The following MRPL3 variants were observed in gnomAD, a reference collection of about 807,000 sequenced individuals.
The protein encoded by MRPL3 is large ribosomal subunit protein uL3m.
A neutral mutation model predicts 44.3 loss-of-function variants in MRPL3; 43 were observed. That is an observed-to-expected ratio of 0.97 (90% CI 0.76 to 1.25). The LOEUF is 1.25. Ranked by LOEUF, MRPL3 falls within the 50% of genes most tolerant of loss-of-function variation. The pLI is 0.00. For synonymous variants in MRPL3, 171 were observed against 152.3 expected (o/e 1.12, Z -0.91); for missense variants, 406 against 427.6 (o/e 0.95, Z 0.45).
chr3:131,501,877 C>T (rs756331596), intron 1 of MRPL3, 162 bp from the exon 2 acceptor site: 12 of 1,541,904 alleles, frequency 7.8e-6, no homozygotes, highest in South Asian at 2.3e-5. Flanking sequence ...TTCCTCACTC[C>T]CCACATTCCT....
chr3:131,483,217 GAGCA>G (rs1934035567), intron 6 of MRPL3, among the ~76,000 whole-genome samples: 1 of 151,986 alleles, frequency 6.6e-6, no homozygotes, highest in African/African-American at 2.4e-5. Flanking sequence ...TGCTACTATA[GAGCA>G]AGAACATAAA....
rs931526885 is a variant in MRPL3, at chr3:131,502,738, C to A, written c.84G>T (p.Pro28=). ...LGDGLGAALG[P]GNRTHIWLFV... ...CCCTCACACCTTCCTACCTGTTCCC[C>A]GGGCCCAGGGCAGCACCCAGGCCGT... Residue 28 remains proline, a synonymous_variant, in exon 1 of 10, where the codon CCG becomes CCT. Coordinates refer to ENST00000264995, the MANE Select transcript of MRPL3 (RefSeq NM_007208.4). 1.2e-6 allele frequency: 2 copies of A among 1,609,052 alleles called. No homozygotes were observed. The highest frequency in any genetic ancestry group is 1.7e-6 in the Non-Finnish European group (2 of 1,177,054).
chr3:131,469,515 A>G (rs1350902945), intron 8 of MRPL3, among the ~76,000 whole-genome samples, 181 bp downstream of exon 8: 2 of 135,098 alleles, frequency 1.5e-5, no homozygotes, highest in Admixed American at 7.7e-5. Context: ...TACTACCACC[A>G]TTACTACAAC....
At chr3:131,473,359 A>G (rs186533916) in intron 6 of MRPL3, among the ~76,000 whole-genome samples, 2 of 152,212 alleles carry the variant, frequency 1.3e-5, no homozygotes, top group East Asian at 3.9e-4. Flanking sequence ...ACCCACATGT[A>G]ATGAGGTTAG....
chr3:131,474,765 ATTTTTTTTTTTT>A (rs372689423), intron 6 of MRPL3, among the ~76,000 whole-genome samples: 3 of 137,868 alleles, frequency 2.2e-5, no homozygotes, highest in Non-Finnish European at 4.7e-5. Context: ...AGACTTTTTA[ATTTTTTTTTTTT>A]TTTTTTTTTA....
intron 4 of MRPL3, among the ~76,000 whole-genome samples, chr3:131,496,706 C>T (rs7612597): frequency 6.6e-6 from 1 of 152,142 alleles, no homozygotes; most frequent in Non-Finnish European, 1.5e-5. Flanking sequence ...AGGCTCTTAT[C>T]AACTCTCCCC....
intron 8 of MRPL3, among the ~76,000 whole-genome samples, chr3:131,469,206 TCTC>T (rs1441409507): frequency 4.0e-5 from 6 of 151,360 alleles, no homozygotes; most frequent in East Asian, 1.9e-4. Context: ...TGCCTCCCAC[TCTC>T]CTCCTTACAC....
chr3:131,463,729 A>G lies in MRPL3; in HGVS notation c.895-854T>C, dbSNP rs532813861. Among the ~76,000 whole-genome samples the G allele has an allele frequency of 2.1e-4, 32 of 152,336 alleles. No individual in the cohort carries two copies. The East Asian group carries it at 6.2e-3, about 29-fold the overall frequency. ...AAATTCTAATTATATCTGTGAATTC[A>G]CAGACTGAAGAATTTTAATATAGGT... On this transcript the variant is annotated intron_variant, in intron 9 of 9. Coordinates refer to ENST00000264995, the MANE Select transcript of MRPL3 (RefSeq NM_007208.4).
rs1178526326 is a variant in MRPL3, at chr3:131,487,839, C to CA, written c.569-100dup. ...ATCCAGGAAGGCTTCTAGCTGATTT[C>CA]AAAAATGGTAAGAGATTCTCTTCTG... On this transcript the variant is annotated intron_variant, in intron 5 of 9. Coordinates refer to ENST00000264995, the MANE Select transcript of MRPL3 (RefSeq NM_007208.4). The CA allele has an allele frequency of 1.4e-5, 12 of 860,622 alleles. No homozygotes were observed. In the Admixed American group the frequency reaches 3.3e-4, roughly 23 times the overall value. 53.3% of individuals were successfully genotyped at this position (860,622 alleles called of 1,614,324 possible). A position where few individuals can be genotyped will look rare whatever the true frequency, so the allele number is the denominator to read the frequency against.
At chr3:131,481,698 C>T (rs1011019115) in intron 6 of MRPL3, among the ~76,000 whole-genome samples, 1 of 152,180 alleles carries the variant, frequency 6.6e-6, no homozygotes, top group African/African-American at 2.4e-5. Context: ...AACCCCAACA[C>T]ACTGCTCTCC....
chr3:131,473,273 A>T (rs1201293486), intron 6 of MRPL3, among the ~76,000 whole-genome samples: 1 of 152,156 alleles, frequency 6.6e-6, no homozygotes, highest in East Asian at 1.9e-4. Flanking sequence ...CGGGCAATTG[A>T]TTTTTGACAA....
chr3:131,473,513 T>C (rs1933785430), intron 6 of MRPL3, among the ~76,000 whole-genome samples: 1 of 151,178 alleles, frequency 6.6e-6, no homozygotes, highest in Non-Finnish European at 1.5e-5. Flanking sequence ...AAATGAGACC[T>C]CAAAAGCACA....
rs879800027 is a variant in MRPL3, at chr3:131,482,867, G to A, written c.629+4813C>T. Among the ~76,000 whole-genome samples, 6 of 143,838 alleles carry A rather than the reference G, an allele frequency of 4.2e-5. No homozygotes were observed. In the East Asian group the frequency reaches 5.9e-4, roughly 14 times the overall value. The allele number at this position is 143,838 out of a possible 152,430, so 94.4% of individuals were successfully genotyped here. On this transcript the variant is annotated intron_variant, in intron 6 of 9. Coordinates refer to ENST00000264995, the MANE Select transcript of MRPL3 (RefSeq NM_007208.4). ...AGGAAGTGTCTCTCCATGCTATTACGAATGCATCACTACCATCTCTGTCCT... is the reference window on the plus strand; with the variant it reads ...AGGAAGTGTCTCTCCATGCTATTACAAATGCATCACTACCATCTCTGTCCT...
At chr3:131,477,030 T>C (rs1933867874) in intron 6 of MRPL3, among the ~76,000 whole-genome samples, 2 of 152,234 alleles carry the variant, frequency 1.3e-5, no homozygotes, top group Admixed American at 1.3e-4. Flanking sequence ...TCCCGCTGAA[T>C]TCTATAAATC....
rs1474933081 is a variant in MRPL3 at position 131,471,208 on chromosome 3, G to A, written c.701C>T (p.Thr234Met). 10 of 1,613,170 alleles carry A rather than the reference G, an allele frequency of 6.2e-6. No homozygotes were observed. The highest frequency in any genetic ancestry group is 1.1e-5 in the South Asian group (1 of 91,066). ...FKGQPATHGQ[T>M]KTHRRPGAVA... ...AGCTCCAGGTCTCCTGTGGGTTTTC[G>A]TTTGACCATGCGTAGCAGGCTGGCC... Residue 234 changes from threonine (T) to methionine (M), a missense_variant, in exon 7 of 10, where the codon ACG becomes ATG. Coordinates refer to ENST00000264995, the MANE Select transcript of MRPL3 (RefSeq NM_007208.4).
intron 6 of MRPL3, among the ~76,000 whole-genome samples, chr3:131,478,285 T>A (rs1933899835): frequency 6.6e-6 from 1 of 152,152 alleles, no homozygotes; most frequent in Non-Finnish European, 1.5e-5. Context: ...ACCAACCATA[T>A]CCAACTGGAA....
intron 9 of MRPL3, among the ~76,000 whole-genome samples, chr3:131,466,274 C>A (rs892638164): frequency 6.6e-6 from 1 of 152,026 alleles, no homozygotes; most frequent in Non-Finnish European, 1.5e-5. Context: ...TTCACTATTT[C>A]TTTGCTGCTA....
intron 6 of MRPL3, among the ~76,000 whole-genome samples, chr3:131,486,434 T>C (rs1422816204): frequency 8.1e-5 from 6 of 73,690 alleles, no homozygotes; most frequent in African/African-American, 3.3e-4. Context: ...ACCTACAGAA[T>C]GGGAGAAAAA....
chr3:131,493,030 A>G (rs571973526), intron 4 of MRPL3, among the ~76,000 whole-genome samples: 6 of 152,182 alleles, frequency 3.9e-5, no homozygotes, highest in Non-Finnish European at 8.8e-5. Flanking sequence ...CTTTCATCAC[A>G]ATATAACATA....
Sources: gnomAD v4.1 joint callset for allele counts (sites outside exome capture counted in the v4.1 genomes callset) on GRCh38, gnomAD v4.1.1 for gene constraint, MANE v1.5 for transcripts, NCBI Gene and HGNC (gene_info 2026-07-23, HGNC 2026-07-21) for gene names.